The following DCC variants were observed in gnomAD, a reference collection of about 807,000 sequenced individuals.
DCC encodes DCC netrin 1 receptor.
In DCC, 58 loss-of-function variants were observed where a neutral mutation model predicts 172.5. That is an observed-to-expected ratio of 0.34 (90% CI 0.27 to 0.42). The LOEUF (loss-of-function observed/expected upper bound fraction) is 0.42. DCC is among the 10% of genes least tolerant of loss of function. DCC has a pLI of 1.00. For synonymous variants in DCC, 709 were observed against 644.5 expected (o/e 1.10, Z -1.52); for missense variants, 1,740 against 1,791.0 (o/e 0.97, Z 0.51).
In DCC at chr18:52,674,839, CT is replaced by C. The variant is rs556738139; in HGVS notation, c.92-77214del. Reference sequence around the variant, plus strand: ...CTGTTTTAAAATTTAACCTGAAAGACTGGTTCAGGCCAGGAAAGTGGAAGTC... The same window carrying C: ...CTGTTTTAAAATTTAACCTGAAAGACGGTTCAGGCCAGGAAAGTGGAAGTC... On this transcript the variant is annotated intron_variant, in intron 1 of 28. Coordinates refer to ENST00000442544, the MANE Select transcript of DCC (RefSeq NM_005215.4). 2.2e-3 allele frequency among the ~76,000 whole-genome samples: 331 copies of C among 152,240 alleles called. 2 individuals carry two copies. Among genetic ancestry groups the C allele is most frequent in the Non-Finnish European group, 3.5e-3 (237 of 68,024 alleles).
intron 22 of DCC, among the ~76,000 whole-genome samples, chr18:53,436,956 C>G (rs1333929593): frequency 6.6e-6 from 1 of 152,136 alleles, no homozygotes; most frequent in East Asian, 1.9e-4. Context: ...CAAGCTCCCT[C>G]AGGCTTTTTC....
chr18:52,574,317 T>C (rs1229639563), intron 1 of DCC, among the ~76,000 whole-genome samples: 2 of 152,170 alleles, frequency 1.3e-5, no homozygotes, highest in African/African-American at 2.4e-5. Context: ...TGGATGTGTA[T>C]AAAATAAAAG....
At chr18:52,604,603 C>T (rs2034093722) in intron 1 of DCC, among the ~76,000 whole-genome samples, 1 of 152,066 alleles carries the variant, frequency 6.6e-6, no homozygotes, top group African/African-American at 2.4e-5. Flanking sequence ...AAGTCTTTAC[C>T]AGAAGTCCCC....
intron 27 of DCC, among the ~76,000 whole-genome samples, chr18:53,508,255 C>G (rs2046207764): frequency 6.6e-6 from 1 of 150,746 alleles, no homozygotes; most frequent in African/African-American, 2.4e-5. Flanking sequence ...TGCACTGGCT[C>G]AATCACAGCT....
intron 17 of DCC, among the ~76,000 whole-genome samples, chr18:53,395,737 G>A (rs1382857858): frequency 6.6e-6 from 1 of 152,138 alleles, no homozygotes; most frequent in Non-Finnish European, 1.5e-5. Context: ...TCATCTCCCA[G>A]GTTCAAGCAA....
chr18:53,386,845 C>T (rs1320915513), intron 16 of DCC, among the ~76,000 whole-genome samples: 1 of 152,174 alleles, frequency 6.6e-6, no homozygotes, highest in East Asian at 1.9e-4. Context: ...TATTTGTTAG[C>T]ATGTGTAGGC....
At chr18:53,248,720 G>A (rs2056394755) in intron 12 of DCC, among the ~76,000 whole-genome samples, 1 of 151,930 alleles carries the variant, frequency 6.6e-6, no homozygotes, top group Admixed American at 6.6e-5. Flanking sequence ...AATATCAAAA[G>A]CACCATCCTG....
intron 15 of DCC, among the ~76,000 whole-genome samples, chr18:53,375,455 T>C (rs1312656607): frequency 6.6e-6 from 1 of 152,146 alleles, no homozygotes; most frequent in Non-Finnish European, 1.5e-5. Context: ...TGACTAAAAC[T>C]CATTTTGTTT....
intron 5 of DCC, among the ~76,000 whole-genome samples, chr18:52,989,004 A>C (rs1467054351): frequency 6.6e-6 from 1 of 151,272 alleles, no homozygotes; most frequent in Non-Finnish European, 1.5e-5. Context: ...TTTTTTTTTC[A>C]AAAGATACAT....
chr18:52,438,873 C>G (rs1378256462), intron 1 of DCC, among the ~76,000 whole-genome samples: 1 of 152,066 alleles, frequency 6.6e-6, no homozygotes, highest in Non-Finnish European at 1.5e-5. Context: ...TACTTATAGT[C>G]GTGACTGAAC....
At chr18:52,530,792 A>G (rs2032127428) in intron 1 of DCC, among the ~76,000 whole-genome samples, 1 of 152,190 alleles carries the variant, frequency 6.6e-6, no homozygotes, top group East Asian at 1.9e-4. Flanking sequence ...ACCCAGAGAG[A>G]GATTGTTTCC....
intron 8 of DCC, among the ~76,000 whole-genome samples, chr18:53,174,891 C>G (rs1459336326): frequency 6.6e-6 from 1 of 152,240 alleles, no homozygotes; most frequent in African/African-American, 2.4e-5. Flanking sequence ...AATTTTAGAC[C>G]AATATCCTTG....
intron 3 of DCC, among the ~76,000 whole-genome samples, chr18:52,917,874 G>A (rs182736099): frequency 6.6e-6 from 1 of 152,098 alleles, no homozygotes; most frequent in Non-Finnish European, 1.5e-5. Flanking sequence ...GCTTTTAATC[G>A]ATTTAGAAAA....
intron 14 of DCC, among the ~76,000 whole-genome samples, chr18:53,322,962 T>C (rs189170418): frequency 3.3e-4 from 50 of 152,090 alleles, no homozygotes; most frequent in Middle Eastern, 3.6e-3. Context: ...ATCTAAGTAA[T>C]CAAAACTAGT....
intron 15 of DCC, among the ~76,000 whole-genome samples, chr18:53,372,617 A>G (rs2058070586): frequency 1.3e-5 from 2 of 152,150 alleles, no homozygotes; most frequent in Admixed American, 6.6e-5. Context: ...GTTAAAAAAA[A>G]TCAACTATAT....
chr18:52,520,450 C>T (rs1215487039), intron 1 of DCC, among the ~76,000 whole-genome samples: 1 of 152,156 alleles, frequency 6.6e-6, no homozygotes, highest in Non-Finnish European at 1.5e-5. Context: ...TTAATTTTGG[C>T]TGTGTGGAAA....
At chr18:53,198,334 G>A (rs563861937) in intron 9 of DCC, among the ~76,000 whole-genome samples, 1 of 152,066 alleles carries the variant, frequency 6.6e-6, no homozygotes, top group South Asian at 2.1e-4. Context: ...TGGAATCTTT[G>A]ATGCTAATGA....
At chr18:53,393,936 C>A (rs1908748809) in intron 17 of DCC, among the ~76,000 whole-genome samples, 1 of 101,576 alleles carries the variant, frequency 9.8e-6, no homozygotes, top group Non-Finnish European at 2.5e-5. Context: ...CCTCCCTCCC[C>A]CTATATATCC....
intron 12 of DCC, among the ~76,000 whole-genome samples, chr18:53,265,224 C>T (rs1399591066): frequency 6.6e-6 from 1 of 152,184 alleles, no homozygotes; most frequent in Non-Finnish European, 1.5e-5. Flanking sequence ...GCTCTCTTAG[C>T]TGTAACCTGG....
Sources: allele counts gnomAD v4.1 joint callset (sites outside exome capture counted in the v4.1 genomes callset), GRCh38; gene constraint gnomAD v4.1.1; transcripts MANE v1.5; gene names NCBI Gene and HGNC (gene_info 2026-07-23, HGNC 2026-07-21).